Variants in GRID2 observed in about 807,000 individuals in gnomAD.
GRID2 encodes glutamate ionotropic receptor delta type subunit 2.
In GRID2, 33 loss-of-function variants were observed where a neutral mutation model predicts 114.8. The observed-to-expected ratio is 0.29, with a 90% CI of 0.22 to 0.38. GRID2 has a LOEUF of 0.38. GRID2 is among the 10% of genes least tolerant of loss of function. GRID2 has a pLI of 1.00. For synonymous variants in GRID2, 505 were observed against 449.9 expected (o/e 1.12, Z -1.55); for missense variants, 1,184 against 1,257.7 (o/e 0.94, Z 0.89).
At chr4:93,279,596 C>A (rs1045812318) in intron 8 of GRID2, among the ~76,000 whole-genome samples, 16 of 151,614 alleles carry the variant, frequency 1.1e-4, no homozygotes, top group Non-Finnish European at 2.1e-4. Flanking sequence ...GAGAAACTAC[C>A]CCTACATTTA....
At chr4:92,484,092 T>G (rs1722748650) in intron 1 of GRID2, among the ~76,000 whole-genome samples, 2 of 152,154 alleles carry the variant, frequency 1.3e-5, no homozygotes, top group Admixed American at 6.5e-5. Flanking sequence ...GGTAAATCTA[T>G]GGTGGAAGGA....
intron 12 of GRID2, among the ~76,000 whole-genome samples, chr4:93,513,313 A>G (rs747597841): frequency 1.3e-5 from 2 of 152,146 alleles, no homozygotes; most frequent in Non-Finnish European, 2.9e-5. Flanking sequence ...TCCACTAAAC[A>G]GGGGGATATA....
chr4:93,257,417 T>G (rs968573113), intron 8 of GRID2, among the ~76,000 whole-genome samples: 2 of 151,720 alleles, frequency 1.3e-5, no homozygotes, highest in African/African-American at 4.8e-5. Flanking sequence ...AACCAAAAAT[T>G]TATTGATTAG....
intron 4 of GRID2, among the ~76,000 whole-genome samples, chr4:93,158,350 G>T (rs1236056725): frequency 6.6e-6 from 1 of 151,782 alleles, no homozygotes; most frequent in Non-Finnish European, 1.5e-5. Context: ...AAATTCTTTT[G>T]AAGTAGGTGA....
chr4:92,677,543 GC>G (rs1383713951), intron 2 of GRID2, among the ~76,000 whole-genome samples: 4 of 151,812 alleles, frequency 2.6e-5, no homozygotes, highest in African/African-American at 9.7e-5. Flanking sequence ...TCTAATTCAT[GC>G]CCCAAATTGA....
intron 2 of GRID2, among the ~76,000 whole-genome samples, chr4:92,947,970 T>A (rs1421160144): frequency 2.0e-5 from 3 of 151,878 alleles, no homozygotes; most frequent in Non-Finnish European, 3.0e-5. Flanking sequence ...TTCTGAAAAA[T>A]TATTTTTATT....
chr4:93,361,653 T>C (rs977041209), intron 8 of GRID2, among the ~76,000 whole-genome samples: 7 of 152,066 alleles, frequency 4.6e-5, no homozygotes, highest in Non-Finnish European at 7.4e-5. Context: ...ATATGGATTA[T>C]ATCTGCATCT....
chr4:92,706,106 G>A (rs1472329697), intron 2 of GRID2, among the ~76,000 whole-genome samples: 1 of 152,112 alleles, frequency 6.6e-6, no homozygotes, highest in Non-Finnish European at 1.5e-5. Context: ...TGTGATTCCA[G>A]ACCAAAACCT....
chr4:93,560,982 A>T (rs1734869739), intron 13 of GRID2, among the ~76,000 whole-genome samples: 1 of 151,718 alleles, frequency 6.6e-6, no homozygotes. Flanking sequence ...CTCTTGAGTG[A>T]GCTTCCTTCA....
intron 10 of GRID2, among the ~76,000 whole-genome samples, chr4:93,442,790 T>C (rs2149394226): frequency 6.6e-6 from 1 of 152,178 alleles, no homozygotes; most frequent in South Asian, 2.1e-4. Flanking sequence ...AACTACAGGC[T>C]TTTATTCCTC....
rs1422956014 is a variant in GRID2, at chr4:93,517,541, A to G, written c.2193+2130A>G. Among the ~76,000 whole-genome samples the G allele has an allele frequency of 3.9e-5, 6 of 152,076 alleles. No individual in the cohort carries two copies. In the East Asian group the frequency reaches 1.2e-3, roughly 29 times the overall value. On this transcript the variant is annotated intron_variant, in intron 13 of 15. Coordinates refer to ENST00000282020, the MANE Select transcript of GRID2 (RefSeq NM_001510.4). ...ATATTTCTTTCAACCCAAATTAGAA[A>G]CAGCTGACAATTGATTAGACAGAGA...
At chr4:93,588,186 A>G (rs1198705744) in intron 13 of GRID2, among the ~76,000 whole-genome samples, 2 of 152,172 alleles carry the variant, frequency 1.3e-5, no homozygotes, top group Non-Finnish European at 2.9e-5. Flanking sequence ...GATTTTTCCA[A>G]ATAGAAACTA....
intron 2 of GRID2, among the ~76,000 whole-genome samples, chr4:92,920,969 T>A (rs1232371321): frequency 6.6e-6 from 1 of 152,188 alleles, no homozygotes; most frequent in African/African-American, 2.4e-5. Context: ...ATTCTCCCAG[T>A]CACTTTCAGG....
At chr4:92,617,578 T>C (rs1486270699) in intron 2 of GRID2, among the ~76,000 whole-genome samples, 3 of 151,814 alleles carry the variant, frequency 2.0e-5, no homozygotes, top group African/African-American at 7.2e-5. Context: ...TGGTAATGTA[T>C]TGTGTACCAC....
chr4:92,916,238 T>A (rs1406387196), intron 2 of GRID2, among the ~76,000 whole-genome samples: 2 of 152,148 alleles, frequency 1.3e-5, no homozygotes, highest in Non-Finnish European at 2.9e-5. Flanking sequence ...ATGAGTTAAT[T>A]TTTATACATG....
At chr4:92,858,701 G>A (rs557009537) in intron 2 of GRID2, among the ~76,000 whole-genome samples, 44 of 152,166 alleles carry the variant, frequency 2.9e-4, no homozygotes, top group African/African-American at 9.6e-4. Context: ...GGGACTACAG[G>A]CACCCACCAC....
At chr4:93,225,709 T>C (rs1745407241) in intron 7 of GRID2, among the ~76,000 whole-genome samples, 2 of 152,080 alleles carry the variant, frequency 1.3e-5, no homozygotes, top group Admixed American at 6.6e-5. Context: ...AAACTAGAAG[T>C]AGAGGAAATA....
chr4:93,317,728 AT>A (rs1283437877), intron 8 of GRID2, among the ~76,000 whole-genome samples: 1 of 151,856 alleles, frequency 6.6e-6, no homozygotes, highest in Admixed American at 6.6e-5. Context: ...GAGCAGAATT[AT>A]ATTTCCTGTG....
intron 14 of GRID2, among the ~76,000 whole-genome samples, chr4:93,680,907 A>T (rs1159937569): frequency 6.6e-6 from 1 of 151,592 alleles, no homozygotes; most frequent in Non-Finnish European, 1.5e-5. Flanking sequence ...CCTATTCAAC[A>T]TAGTGTTGGA....
Sources: allele counts gnomAD v4.1 joint callset (sites outside exome capture counted in the v4.1 genomes callset), GRCh38; gene constraint gnomAD v4.1.1; transcripts MANE v1.5; gene names NCBI Gene and HGNC (gene_info 2026-07-23, HGNC 2026-07-21).